LZTS1: variants seen among roughly 807,000 people sequenced by gnomAD.
LZTS1 encodes leucine zipper tumor suppressor 1.
A neutral mutation model predicts 45.8 loss-of-function variants in LZTS1; 31 were observed. That is an observed-to-expected ratio of 0.68 (90% CI 0.51 to 0.91). The LOEUF is 0.91. Among genes scored for constraint, LZTS1 ranks in the 40% least tolerant of loss-of-function variants. The pLI is 0.00. For missense variants in LZTS1, 821 were observed against 788.9 expected (o/e 1.04, Z -0.49); for synonymous variants, 359 against 357.3 (o/e 1.00, Z -0.05).
intron 1 of LZTS1, among the ~76,000 whole-genome samples, chr8:20,279,965 G>A (rs1273781136): frequency 2.2e-5 from 2 of 90,718 alleles, no homozygotes; most frequent in Non-Finnish European, 4.8e-5. Context: ...GAGAAACCGT[G>A]TCTCAAAAAA....
At chr8:20,292,277 C>T (rs556144989) in intron 1 of LZTS1, among the ~76,000 whole-genome samples, 1 of 152,236 alleles carries the variant, frequency 6.6e-6, no homozygotes, top group Non-Finnish European at 1.5e-5. Context: ...CTGTCACTGA[C>T]ATCCCACCTG....
At chr8:20,268,411 C>T (rs1800405189) in intron 1 of LZTS1, among the ~76,000 whole-genome samples, 2 of 152,048 alleles carry the variant, frequency 1.3e-5, no homozygotes, top group South Asian at 4.1e-4. Flanking sequence ...CCCGTTCCCC[C>T]TCCCCCCATA....
At chr8:20,272,142 A>G (rs11784923) in intron 1 of LZTS1, among the ~76,000 whole-genome samples, 42,529 of 152,220 alleles carry the variant, frequency 0.28, 6,412 homozygotes, top group East Asian at 0.51. Flanking sequence ...ATGTCAGACA[A>G]TGGACACATT....
Position 20,303,800 on chromosome 8 carries a change from G to T in LZTS1, c.-195C>A. The T allele has an allele frequency of 1.0e-6, 1 of 984,350 alleles. No homozygotes were observed. Among genetic ancestry groups the T allele is most frequent in the Non-Finnish European group, 1.2e-6 (1 of 829,654 alleles). The allele number at this position is 984,350 out of a possible 1,614,324, so 61.0% of individuals were successfully genotyped here. On this transcript the variant is annotated 5_prime_UTR_variant, in exon 1 of 4. Coordinates refer to ENST00000381569, the MANE Select transcript of LZTS1 (RefSeq NM_021020.5). ...TTTTTTTCCCAGTGTTTCCCGGTGT[G>T]TTCCCGTCTCTCTTTTTCCAGAGCT...
chr8:20,299,150 C>T (rs1470080551), intron 1 of LZTS1, among the ~76,000 whole-genome samples: 34 of 152,114 alleles, frequency 2.2e-4, no homozygotes, highest in Admixed American at 2.2e-3. Context: ...CTGGCCAAAC[C>T]CAGCATAAGG....
chr8:20,268,883 G>A (rs1800418617), intron 1 of LZTS1, among the ~76,000 whole-genome samples: 1 of 152,082 alleles, frequency 6.6e-6, no homozygotes, highest in Admixed American at 6.5e-5. Flanking sequence ...ATTCCATCGG[G>A]TCGAACAATC....
At chr8:20,268,449 AT>A (rs1393027006) in intron 1 of LZTS1, among the ~76,000 whole-genome samples, 1 of 150,588 alleles carries the variant, frequency 6.6e-6, no homozygotes, top group Non-Finnish European at 1.5e-5. Context: ...AGCTTTCCTT[AT>A]CTGGAATTCC....
intron 1 of LZTS1, among the ~76,000 whole-genome samples, chr8:20,266,583 C>T (rs144144744): frequency 5.2e-4 from 77 of 148,842 alleles, no homozygotes; most frequent in South Asian, 1.3e-3. Flanking sequence ...CAATCCTGTT[C>T]GGCGTTTTGG....
At chr8:20,302,365 G>A (rs1801095409) in intron 1 of LZTS1, among the ~76,000 whole-genome samples, 1 of 152,108 alleles carries the variant, frequency 6.6e-6, no homozygotes, top group Admixed American at 6.6e-5. Flanking sequence ...CACCTTTCCC[G>A]TCTGTACATG....
At chr8:20,258,568 T>G (rs1800158480) in intron 1 of LZTS1, among the ~76,000 whole-genome samples, 1 of 152,168 alleles carries the variant, frequency 6.6e-6, no homozygotes, top group Admixed American at 6.5e-5. Context: ...TTTAATATGT[T>G]TTGATGTGAA....
rs552226163 is a variant in LZTS1, at chr8:20,250,066, C to A, written c.1447G>T (p.Ala483Ser). 6.2e-7 allele frequency: 1 copy of A among 1,607,300 alleles called. No homozygotes were observed. Among genetic ancestry groups the A allele is most frequent in the East Asian group, 2.2e-5 (1 of 44,814 alleles). Residue 483 changes from alanine (A) to serine (S), a missense_variant, in exon 4 of 4, where the codon GCC becomes TCC. Transcript: ENST00000381569. The stretch of plus-strand genomic sequence containing the variant: ...GGCGGCCCCATGTCGCGGGCCAGGG[C>A]GGCCTGGGCCCGCAGCTCCTGCAGC... ...QELQELRAQA[A>S]LARDMGPPTF...
At chr8:20,278,873 T>C (rs1800633818) in intron 1 of LZTS1, among the ~76,000 whole-genome samples, 1 of 152,204 alleles carries the variant, frequency 6.6e-6, no homozygotes, top group Non-Finnish European at 1.5e-5. Flanking sequence ...AATAATTGTC[T>C]TAATTTCCTT....
intron 1 of LZTS1, among the ~76,000 whole-genome samples, chr8:20,281,191 G>A (rs1162843537): frequency 6.6e-6 from 1 of 152,190 alleles, no homozygotes; most frequent in Non-Finnish European, 1.5e-5. Context: ...CAAATCTCAT[G>A]TTGAAATTTG....
chr8:20,291,902 CCT>C (rs1481906221), intron 1 of LZTS1, among the ~76,000 whole-genome samples: 1 of 152,144 alleles, frequency 6.6e-6, no homozygotes, highest in African/African-American at 2.4e-5. Context: ...ACAGGAAAAA[CCT>C]CATGCCTTGT....
At chr8:20,291,246 G>T (rs1255624072) in intron 1 of LZTS1, among the ~76,000 whole-genome samples, 1 of 152,134 alleles carries the variant, frequency 6.6e-6, no homozygotes, top group Non-Finnish European at 1.5e-5. Flanking sequence ...CCTTTGCCAG[G>T]GTAAACAGAT....
intron 1 of LZTS1, among the ~76,000 whole-genome samples, chr8:20,282,997 C>T (rs970539221): frequency 4.6e-5 from 7 of 152,276 alleles, no homozygotes; most frequent in East Asian, 3.9e-4. Context: ...CTTCCATCCT[C>T]ATGCACCATG....
At chr8:20,299,687 G>C (rs894600957) in intron 1 of LZTS1, among the ~76,000 whole-genome samples, 1 of 152,072 alleles carries the variant, frequency 6.6e-6, no homozygotes, top group Admixed American at 6.6e-5. Context: ...AGAAATAACA[G>C]GGCGATGGAA....
At chr8:20,284,846 T>C (rs1336306613) in intron 1 of LZTS1, among the ~76,000 whole-genome samples, 2 of 152,190 alleles carry the variant, frequency 1.3e-5, no homozygotes, top group Admixed American at 1.3e-4. Context: ...CTGATAACCT[T>C]TCCCTGCTCC....
intron 1 of LZTS1, among the ~76,000 whole-genome samples, chr8:20,281,287 C>T (rs1485734722): frequency 4.7e-5 from 7 of 150,382 alleles, no homozygotes; most frequent in Non-Finnish European, 8.8e-5. Flanking sequence ...GGCCTGGACA[C>T]GGTGGCTCAC....
Sources: allele counts gnomAD v4.1 joint callset (sites outside exome capture counted in the v4.1 genomes callset), GRCh38; gene constraint gnomAD v4.1.1; transcripts MANE v1.5; gene names NCBI Gene and HGNC (gene_info 2026-07-23, HGNC 2026-07-21).